TM9SF4: variants seen among roughly 807,000 people sequenced by gnomAD.
TM9SF4 encodes the protein transmembrane 9 superfamily member 4.
In TM9SF4, 26 loss-of-function variants were observed where a neutral mutation model predicts 90.4. The ratio of observed to expected loss-of-function variants is 0.29; its 90% CI spans 0.21 to 0.40. The LOEUF (loss-of-function observed/expected upper bound fraction) is 0.40, where lower values mean the gene tolerates loss of function less well. TM9SF4 is among the 10% of genes least tolerant of loss of function. The pLI is 1.00. For synonymous variants in TM9SF4, 293 were observed against 315.4 expected, an observed-to-expected ratio of 0.93 and a Z score of 0.75; for missense variants, 549 against 834.8, an observed-to-expected ratio of 0.66 and a Z score of 4.22.
intron 1 of TM9SF4, among the ~76,000 whole-genome samples, chr20:32,122,039 C>T (rs1208132578): frequency 2.9e-5 from 4 of 140,020 alleles, no homozygotes; most frequent in African/African-American, 1.1e-4. Context: ...CTGACCCCCC[C>T]ACCTCCCTCC....
intron 13 of TM9SF4, 91 bp from the exon 14 acceptor site, chr20:32,157,700 CCTT>C (rs1458235473): frequency 7.3e-6 from 11 of 1,500,372 alleles, no homozygotes; most frequent in African/African-American, 1.4e-5. Context: ...AGTCGCCTCT[CCTT>C]CTGTGGAGCC....
chr20:32,117,677 G>C (rs1040276929), intron 1 of TM9SF4, among the ~76,000 whole-genome samples: 1 of 141,576 alleles, frequency 7.1e-6, no homozygotes, highest in Non-Finnish European at 1.5e-5. Flanking sequence ...GAAAGACCTT[G>C]ATTCTTGGTT....
intron 1 of TM9SF4, 85 bp from the exon 2 acceptor site, chr20:32,132,928 C>T (rs541687561): frequency 8.2e-6 from 10 of 1,220,264 alleles, no homozygotes; most frequent in Non-Finnish European, 1.1e-5. Context: ...ATTAAAGCAA[C>T]ATGAAGGTGG....
intron 1 of TM9SF4, among the ~76,000 whole-genome samples, chr20:32,123,872 T>A (rs1277226529): frequency 1.7e-4 from 9 of 53,024 alleles, no homozygotes; most frequent in South Asian, 6.2e-4. Flanking sequence ...ATATATTTTT[T>A]TTTTTAAAGA....
intron 16 of TM9SF4, 42 bp downstream of exon 16, chr20:32,160,153 A>C: frequency 6.2e-7 from 1 of 1,613,202 alleles, no homozygotes; most frequent in Non-Finnish European, 8.5e-7. Flanking sequence ...GGAGAACTGG[A>C]TCCAGCATTG....
intron 2 of TM9SF4, among the ~76,000 whole-genome samples, chr20:32,135,696 G>T (rs77464626): frequency 0.015 from 2,302 of 152,288 alleles, 64 homozygotes; most frequent in African/African-American, 0.053. Context: ...CTGACTCGAG[G>T]AGCTGAAGGA....
chr20:32,114,213 G>A (rs773476982), intron 1 of TM9SF4, among the ~76,000 whole-genome samples: 3 of 152,184 alleles, frequency 2.0e-5, no homozygotes, highest in Non-Finnish European at 4.4e-5. Flanking sequence ...GGTTACTTGG[G>A]TTTGAGCCAC....
intron 12 of TM9SF4, among the ~76,000 whole-genome samples, chr20:32,151,478 G>T (rs556283784): frequency 6.6e-6 from 1 of 152,190 alleles, no homozygotes; most frequent in African/African-American, 2.4e-5. Context: ...AAGACTCTTG[G>T]GTGCCCACAC....
intron 9 of TM9SF4, 73 bp downstream of exon 9, chr20:32,146,928 G>A (rs1227848002): frequency 2.2e-6 from 3 of 1,386,166 alleles, no homozygotes; most frequent in Non-Finnish European, 3.0e-6. Context: ...GCATATGTTT[G>A]TGTATATTAT....
At chr20:32,124,210 C>A (rs537142930) in intron 1 of TM9SF4, among the ~76,000 whole-genome samples, 1 of 152,130 alleles carries the variant, frequency 6.6e-6, no homozygotes, top group East Asian at 1.9e-4. Context: ...TTCATTATTT[C>A]TCTTTTCAAA....
intron 13 of TM9SF4, among the ~76,000 whole-genome samples, chr20:32,156,797 C>T (rs757688981): frequency 2.2e-4 from 34 of 151,972 alleles, no homozygotes; most frequent in Non-Finnish European, 3.7e-4. Flanking sequence ...TGTAGAGATA[C>T]AGTCTCACTG....
Position 32,158,469 on chromosome 20 carries a change from C to A in TM9SF4, c.1524C>A (p.Ile508=), listed in dbSNP as rs2046964021. The change falls in exon 15 of 18, where the codon ATC becomes ATA. Residue 508 remains isoleucine, a synonymous_variant. Coordinates refer to ENST00000398022, the MANE Select transcript of TM9SF4 (RefSeq NM_014742.4). ...NRFVGILMAG[I]LPFGAMFIEL... ...GTGGCAGCATCCTCATGGCTGGGAT[C>A]TTGCCCTTCGGCGCCATGTTCATCG... is the stretch of plus-strand genomic sequence containing the variant. The A allele has an allele frequency of 3.7e-6, 6 of 1,614,084 alleles. No homozygotes were observed. Among genetic ancestry groups the A allele is most frequent in the Non-Finnish European group, 5.1e-6 (6 of 1,180,050 alleles).
intron 17 of TM9SF4, among the ~76,000 whole-genome samples, chr20:32,164,970 A>C (rs867752663): frequency 2.6e-4 from 40 of 151,936 alleles, no homozygotes; most frequent in African/African-American, 8.7e-4. Context: ...ACCCACTCCG[A>C]CTGCTTCTCC....
intron 1 of TM9SF4, among the ~76,000 whole-genome samples, chr20:32,113,864 C>T (rs531459157): frequency 6.6e-6 from 1 of 152,242 alleles, no homozygotes; most frequent in Non-Finnish European, 1.5e-5. Context: ...ACCTTCTGTC[C>T]CTATAGATTT....
chr20:32,121,637 G>A (rs1023778391), intron 1 of TM9SF4, among the ~76,000 whole-genome samples: 26 of 152,062 alleles, frequency 1.7e-4, no homozygotes, highest in African/African-American at 5.8e-4. Context: ...CCGATTTCTC[G>A]ATCCCTTCCC....
rs751201978 is a variant in TM9SF4, at chr20:32,142,962, T to C, written c.529-20T>C. ...CCCTAAGTGATGTTCTGTTGTGCTT[T>C]CTCTGTTGCTGTGTTTCAGATCTAC... On this transcript the variant is annotated intron_variant, in intron 5 of 17. Transcript: ENST00000398022. The C allele has an allele frequency of 3.1e-6, 5 of 1,611,674 alleles. No homozygotes were observed. The highest frequency in any genetic ancestry group is 1.3e-5 in the African/African-American group (1 of 74,856).
In TM9SF4 at chr20:32,165,536, G is replaced by T; in HGVS notation, c.*92G>T. The T allele has an allele frequency of 6.8e-7, 1 of 1,471,876 alleles. No homozygotes were observed. The highest frequency in any genetic ancestry group is 1.8e-5 in the Admixed American group (1 of 54,466). 91.2% of individuals were successfully genotyped at this position (1,471,876 alleles called of 1,614,324 possible). A position where few individuals can be genotyped will look rare whatever the true frequency, so the allele number is the denominator to read the frequency against. ...AGGCACGCAAAATAAAATAACTCCT[G>T]CTCGTTTGGAATGTAACTCCTGGCA... On this transcript the variant is annotated 3_prime_UTR_variant, in exon 18 of 18. Coordinates refer to ENST00000398022, the MANE Select transcript of TM9SF4 (RefSeq NM_014742.4).
At chr20:32,132,940 A>G in intron 1 of TM9SF4, 73 bp from the exon 2 acceptor site, 3 of 1,361,598 alleles carry the variant, frequency 2.2e-6, no homozygotes, top group South Asian at 1.3e-5. Flanking sequence ...TGAAGGTGGT[A>G]TGACTTGATC....
At chr20:32,109,814 G>T in intron 1 of TM9SF4, 59 bp downstream of exon 1, 1 of 1,550,900 alleles carries the variant, frequency 6.4e-7, no homozygotes, top group South Asian at 1.2e-5. Flanking sequence ...GGTATCCCAG[G>T]ATCTTCCAGC....
Sources: gnomAD v4.1 joint callset for allele counts (sites outside exome capture counted in the v4.1 genomes callset) on GRCh38, gnomAD v4.1.1 for gene constraint, MANE v1.5 for transcripts, NCBI Gene and HGNC (gene_info 2026-07-23, HGNC 2026-07-21) for gene names.